The following USP34 variants were observed in gnomAD, a reference collection of about 807,000 sequenced individuals.
The protein encoded by USP34 is ubiquitin carboxyl-terminal hydrolase 34.
USP34 carries 70 observed loss-of-function variants against 460.3 expected under a neutral mutation model. The observed-to-expected ratio is 0.15, with a 90% confidence interval of 0.13 to 0.19. The LOEUF is 0.19. Ranked by LOEUF, USP34 falls within the 10% of genes least tolerant of loss-of-function variation. The pLI is 1.00. For synonymous variants in USP34, 1,647 were observed against 1,405.3 expected, an observed-to-expected ratio of 1.17 and a Z score of -3.85; for missense variants, 3,985 against 4,236.2, an observed-to-expected ratio of 0.94 and a Z score of 1.65.
chr2:61,446,369 A>C (rs1174028136), intron 1 of USP34, among the ~76,000 whole-genome samples: 1 of 152,164 alleles, frequency 6.6e-6, no homozygotes, highest in East Asian at 1.9e-4. Flanking sequence ...TAAAGTTGAA[A>C]GTAGGAATAT....
At chr2:61,456,702 C>T (rs186864017) in intron 1 of USP34, among the ~76,000 whole-genome samples, 62 of 152,160 alleles carry the variant, frequency 4.1e-4, no homozygotes, top group African/African-American at 1.5e-3. Context: ...CCTATAATCC[C>T]AACATTTTGG....
At chr2:61,431,584 G>T (rs1401482071) in intron 1 of USP34, among the ~76,000 whole-genome samples, 1 of 152,204 alleles carries the variant, frequency 6.6e-6, no homozygotes, top group Non-Finnish European at 1.5e-5. Flanking sequence ...GGCCGGGCGT[G>T]GTGGCTCACA....
chr2:61,366,644 T>C (rs1050366989), intron 10 of USP34, among the ~76,000 whole-genome samples: 4 of 152,132 alleles, frequency 2.6e-5, no homozygotes, highest in Non-Finnish European at 5.9e-5. Context: ...ATGCCTCCAA[T>C]ACTATTCCCC....
chr2:61,374,267 G>A (rs1247758317), intron 8 of USP34, among the ~76,000 whole-genome samples: 3 of 151,548 alleles, frequency 2.0e-5, no homozygotes, highest in Admixed American at 6.6e-5. Context: ...GATTCAAACC[G>A]CATCCAAGTG....
intron 33 of USP34, among the ~76,000 whole-genome samples, 160 bp downstream of exon 33, chr2:61,293,304 C>T (rs891913789): frequency 6.6e-6 from 1 of 151,970 alleles, no homozygotes; most frequent in African/African-American, 2.4e-5. Flanking sequence ...AACACTTATT[C>T]CTAATTAGTT....
chr2:61,295,820 T>C (rs1690009522), intron 30 of USP34, among the ~76,000 whole-genome samples: 1 of 152,242 alleles, frequency 6.6e-6, no homozygotes, highest in Non-Finnish European at 1.5e-5. Context: ...TTCCAAGTCT[T>C]GTGAGATATT....
At chr2:61,190,682 A>T (rs1686611723) in intron 76 of USP34, 24 bp from the exon 77 acceptor site, 1 of 1,605,768 alleles carries the variant, frequency 6.2e-7, no homozygotes, top group African/African-American at 1.3e-5. Context: ...AAGATGGTTG[A>T]GCACTTACGG....
At chr2:61,395,100 T>C (rs941228725) in intron 4 of USP34, 83 bp downstream of exon 4, 2 of 1,447,904 alleles carry the variant, frequency 1.4e-6, no homozygotes, top group South Asian at 2.6e-5. Context: ...TCAAAAGACA[T>C]ATATAAATAA....
At chr2:61,380,670 T>C (rs1472270061) in intron 6 of USP34, among the ~76,000 whole-genome samples, 2 of 152,350 alleles carry the variant, frequency 1.3e-5, no homozygotes, top group Non-Finnish European at 2.9e-5. Context: ...GTGTAATCTA[T>C]TTCTACACCT....
chr2:61,290,559 T>C (rs1689819842), intron 33 of USP34, among the ~76,000 whole-genome samples: 1 of 152,068 alleles, frequency 6.6e-6, no homozygotes, highest in Non-Finnish European at 1.5e-5. Context: ...AGATACAAAA[T>C]GGTACATATT....
At chr2:61,378,100 G>T (rs1692849656) in intron 8 of USP34, among the ~76,000 whole-genome samples, 1 of 152,108 alleles carries the variant, frequency 6.6e-6, no homozygotes, top group South Asian at 2.1e-4. Context: ...CTGACCCTGG[G>T]AACTTGAGGC....
At chr2:61,218,325 A>T (rs1687463667) in intron 67 of USP34, among the ~76,000 whole-genome samples, 1 of 151,080 alleles carries the variant, frequency 6.6e-6, no homozygotes, top group Admixed American at 6.6e-5. Flanking sequence ...GGAAAAAAAA[A>T]AAAAAAAAAA....
intron 1 of USP34, among the ~76,000 whole-genome samples, chr2:61,463,567 C>T (rs1695670068): frequency 6.6e-6 from 1 of 152,102 alleles, no homozygotes; most frequent in African/African-American, 2.4e-5. Flanking sequence ...GGCAGGATGG[C>T]TCACACCCCT....
chr2:61,188,256 G>C lies in USP34; in HGVS notation c.10487C>G (p.Pro3496Arg). 9 of 1,614,140 alleles carry C rather than the reference G, an allele frequency of 5.6e-6. No individual in the cohort carries two copies. The highest frequency in any genetic ancestry group is 6.8e-6 in the Non-Finnish European group (8 of 1,180,036). Residue 3496 changes from proline (P) to arginine (R), a missense_variant, in exon 80 of 80, where the codon CCT (proline) becomes CGT (arginine). Coordinates refer to ENST00000398571, the MANE Select transcript of USP34 (RefSeq NM_014709.4). ...ACAACTGAGAGATAAAGCAACCTCA[G>C]GGTCCTGGGAGGGCAAAGCTTGGCC... ...CDGQALPSQD[P>R]EVALSLSCGH...
intron 1 of USP34, among the ~76,000 whole-genome samples, chr2:61,433,718 C>T (rs954167916): frequency 1.3e-5 from 2 of 152,146 alleles, no homozygotes; most frequent in Non-Finnish European, 2.9e-5. Flanking sequence ...GAAATCCATA[C>T]AGCTGCACTG....
rs539293329 is a variant in USP34 at position 61,407,778 on chromosome 2, A to G, written c.132-1650T>C. 2.6e-5 allele frequency among the ~76,000 whole-genome samples: 4 copies of G among 152,266 alleles called. No individual in the cohort carries two copies. In the South Asian group the frequency reaches 6.2e-4, roughly 24 times the overall value. On this transcript the variant is annotated intron_variant, in intron 2 of 79. Transcript: ENST00000398571. ...TCACTGAAAAACACTCAAGCAGCCT[A>G]AAGAGGAGACCACATGAGAAAGTAC...
At chr2:61,278,573 A>T in intron 39 of USP34, 130 bp from the exon 40 acceptor site, 1 of 659,276 alleles carries the variant, frequency 1.5e-6, no homozygotes. Context: ...TTATAAACGT[A>T]ATACACCTAC....
chr2:61,223,044 G>T lies in USP34; in HGVS notation c.7749+16C>A. On this transcript the variant is annotated intron_variant, in intron 64 of 79. Coordinates refer to ENST00000398571, the MANE Select transcript of USP34 (RefSeq NM_014709.4). ...AAAATTTCCAAAAATCTTTAAGACT[G>T]TTCCTTAGCACTTACATGTTCTGCA... 6.3e-7 allele frequency: 1 copy of T among 1,599,422 alleles called. No individual in the cohort carries two copies. Among genetic ancestry groups the T allele is most frequent in the Non-Finnish European group, 8.5e-7 (1 of 1,170,658 alleles).
intron 2 of USP34, among the ~76,000 whole-genome samples, chr2:61,415,144 G>A (rs1694157005): frequency 6.6e-6 from 1 of 152,074 alleles, no homozygotes; most frequent in Non-Finnish European, 1.5e-5. Context: ...TAGGTTCCCT[G>A]CCTCCAGACC....
Sources: allele counts gnomAD v4.1 joint callset (sites outside exome capture counted in the v4.1 genomes callset), GRCh38; gene constraint gnomAD v4.1.1; transcripts MANE v1.5; gene names NCBI Gene and HGNC (gene_info 2026-07-23, HGNC 2026-07-21).